NLRP14: variants seen among roughly 807,000 people sequenced by gnomAD.
NLRP14 encodes NACHT, LRR and PYD domains-containing protein 14.
NLRP14 carries 105 observed loss-of-function variants against 94.7 expected under a neutral mutation model. The ratio of observed to expected loss-of-function variants is 1.11; its 90% CI spans 0.95 to 1.30. The LOEUF is 1.30. NLRP14 is among the 50% of genes most tolerant of loss of function. The probability of loss-of-function intolerance (pLI) is 0.00; values close to 1 mark genes in which losing one functional copy is unlikely to be tolerated. For synonymous variants in NLRP14, 508 were observed against 459.9 expected, an observed-to-expected ratio of 1.10 and a Z score of -1.34; for missense variants, 1,362 against 1,254.1, an observed-to-expected ratio of 1.09 and a Z score of -1.30.
chr11:7,070,213 T>A lies in NLRP14; in HGVS notation c.2976-73T>A, dbSNP rs1300812846. The A allele has an allele frequency of 3.7e-6, 4 of 1,087,146 alleles. No individual in the cohort carries two copies. The East Asian group carries it at 9.4e-5, about 26-fold the overall frequency. 67.3% of individuals were successfully genotyped at this position (1,087,146 alleles called of 1,614,324 possible). ...TCTGGAATTATCCTCCATTCTGAGT[T>A]CACAGATCTCTTGTGGGCTTTGTTG... On this transcript the variant is annotated intron_variant, in intron 10 of 11. Transcript: ENST00000299481.
At chr11:7,090,273 AGAG>A in the NLRP14 span, 68 of 1,605,092 alleles carry the variant, frequency 4.2e-5, no homozygotes, top group African/African-American at 8.6e-4. Flanking sequence ...CCGCTTGGAG[AGAG>A]GAGGAGGCCG....
Position 7,043,613 on chromosome 11 carries a change from G to A in NLRP14, c.1587G>A (p.Lys529=), listed in dbSNP as rs758222051. 1.9e-6 allele frequency: 3 copies of A among 1,614,170 alleles called. No individual in the cohort carries two copies. The highest frequency in any genetic ancestry group is 1.1e-5 in the South Asian group (1 of 91,078). The change falls in exon 4 of 12, where the codon AAG becomes AAA. Residue 529 remains lysine, a synonymous_variant. Coordinates refer to ENST00000299481, the MANE Select transcript of NLRP14 (RefSeq NM_176822.4). The part of the protein sequence containing the change: ...SYKDPHLTQM[K]CFLFGLLNED... ...AAGACCCCCATTTGACACAGATGAAGTGCTTTTTGTTTGGCCTTTTGAATG... is the reference window on the plus strand; with the variant it reads ...AAGACCCCCATTTGACACAGATGAAATGCTTTTTGTTTGGCCTTTTGAATG...
chr11:7,076,035 T>C (rs1489641704), downstream of NLRP14, among the ~76,000 whole-genome samples: 2 of 152,246 alleles, frequency 1.3e-5, no homozygotes, highest in Admixed American at 6.5e-5. Context: ...ACATCAGATA[T>C]ATGAACCTAA....
chr11:7,068,280 T>C (rs1200584615), intron 10 of NLRP14, among the ~76,000 whole-genome samples: 1 of 152,172 alleles, frequency 6.6e-6, no homozygotes, highest in Non-Finnish European at 1.5e-5. Context: ...TTTTACCATT[T>C]ACTAAATTCT....
At chr11:7,027,062 T>C (rs1852027280) in intron 1 of NLRP14, among the ~76,000 whole-genome samples, 1 of 152,174 alleles carries the variant, frequency 6.6e-6, no homozygotes, top group East Asian at 1.9e-4. Context: ...CCTTTTTAGC[T>C]AGAAGCCTGT....
intron 1 of NLRP14, among the ~76,000 whole-genome samples, chr11:7,029,220 C>T (rs1027449401): frequency 6.6e-6 from 1 of 152,036 alleles, no homozygotes; most frequent in Non-Finnish European, 1.5e-5. Flanking sequence ...GGTAGACAAG[C>T]GAAGTGACAA....
intron 8 of NLRP14, among the ~76,000 whole-genome samples, chr11:7,059,452 A>G (rs1049939968): frequency 2.0e-5 from 3 of 151,890 alleles, no homozygotes; most frequent in Non-Finnish European, 4.4e-5. Flanking sequence ...TAAGGCTTAA[A>G]CTTATTTTCC....
chr11:7,036,504 T>C (rs942283978), intron 1 of NLRP14, among the ~76,000 whole-genome samples: 7 of 152,048 alleles, frequency 4.6e-5, no homozygotes, highest in Non-Finnish European at 7.4e-5. Flanking sequence ...AAGAGACAAG[T>C]GTAAATATCA....
the NLRP14 span, among the ~76,000 whole-genome samples, chr11:7,086,595 A>G: frequency 6.6e-6 from 1 of 152,234 alleles, no homozygotes; most frequent in Non-Finnish European, 1.5e-5. Context: ...GTCAGACACA[A>G]TATCCATTCC....
chr11:7,076,277 A>G (rs532499142), downstream of NLRP14, among the ~76,000 whole-genome samples: 3 of 152,330 alleles, frequency 2.0e-5, no homozygotes, highest in South Asian at 2.1e-4. Flanking sequence ...AGGGTTTGCA[A>G]TTTTAAATAG....
In NLRP14 at chr11:7,062,493, C is replaced by G. The variant is rs773885092; in HGVS notation, c.2965C>G (p.Gln989Glu). ...DALRYPNCNI[Q>E]RLGLEYCGLT... is the part of the protein sequence containing the mutation. ...TTTGAGATATCCAAACTGTAACATTCAGAGGCTCGGGTGAGTTCATAGTTT... is the reference window on the plus strand; with the variant it reads ...TTTGAGATATCCAAACTGTAACATTGAGAGGCTCGGGTGAGTTCATAGTTT... Residue 989 changes from glutamine (Q) to glutamate (E), a missense_variant, in exon 10 of 12, where the codon CAG (glutamine) becomes GAG (glutamate). Gln to Glu is a conservative substitution (Grantham distance 29). Coordinates refer to ENST00000299481, the MANE Select transcript of NLRP14 (RefSeq NM_176822.4). 1 of 1,612,726 alleles carries G rather than the reference C, an allele frequency of 6.2e-7. No individual in the cohort carries two copies. Among genetic ancestry groups the G allele is most frequent in the East Asian group, 2.2e-5 (1 of 44,840 alleles).
chr11:7,090,221 G>A, the NLRP14 span: 2 of 1,611,726 alleles, frequency 1.2e-6, no homozygotes, highest in African/African-American at 2.7e-5. Flanking sequence ...CTTACAGCCG[G>A]TCAGGCTGCA....
Position 7,038,554 on chromosome 11 carries a change from T to C in NLRP14, c.-21-12T>C. 1 of 1,607,584 alleles carries C rather than the reference T, an allele frequency of 6.2e-7. No individual in the cohort carries two copies. Among genetic ancestry groups the C allele is most frequent in the Non-Finnish European group, 8.5e-7 (1 of 1,175,494 alleles). ...TTCCATGTGCTTTTGGTTATTTTTT[T>C]TCCCCCCACAGAGGCCTGAATATTT... On this transcript the variant is annotated splice_polypyrimidine_tract_variant and intron_variant, in intron 1 of 11. Transcript: ENST00000299481.
rs747421764 is a variant in NLRP14, at chr11:7,043,958, A to G, written c.1932A>G (p.Leu644=). ...SVTVVFEKKI[L]KTSLPTNTWD... ...CTGTGGTATTTGAGAAGAAGATATTAAAAACAAGCCTCCCAACTAACACTT... is the reference window on the plus strand; with the variant it reads ...CTGTGGTATTTGAGAAGAAGATATTGAAAACAAGCCTCCCAACTAACACTT... Residue 644 remains leucine (L), a synonymous_variant, in exon 4 of 12, where the codon TTA becomes TTG. Transcript: ENST00000299481. The G allele has an allele frequency of 6.2e-7, 1 of 1,614,170 alleles. No individual in the cohort carries two copies. The highest frequency in any genetic ancestry group is 1.7e-5 in the Admixed American group (1 of 60,024).
At chr11:7,090,448 G>A in the NLRP14 span, 2 of 1,066,574 alleles carry the variant, frequency 1.9e-6, no homozygotes, top group Non-Finnish European at 1.4e-6. Context: ...CCATTTTTAT[G>A]CTTTTGGGAG....
intron 10 of NLRP14, among the ~76,000 whole-genome samples, chr11:7,067,600 G>A (rs769297535): frequency 6.6e-6 from 1 of 152,176 alleles, no homozygotes; most frequent in Non-Finnish European, 1.5e-5. Flanking sequence ...TTTGCCAAAT[G>A]TGATGAATCA....
rs748992725 is a variant in NLRP14 at position 7,043,414 on chromosome 11, G to A, written c.1388G>A (p.Ser463Asn). 3.1e-6 allele frequency: 5 copies of A among 1,614,024 alleles called. No individual in the cohort carries two copies. The highest frequency in any genetic ancestry group is 4.2e-6 in the Non-Finnish European group (5 of 1,179,888). The change falls in exon 4 of 12, where the codon AGC (serine) becomes AAC (asparagine). Residue 463 changes from serine (S) to asparagine (N), a missense_variant. Transcript: ENST00000299481. The stretch of plus-strand genomic sequence containing the variant: ...TCTGATGTCTCTAGTTTTATGGACA[G>A]CAATATTATTCAGAAGGACGCAGAG... ...TQSDVSSFMD[S>N]NIIQKDAEYE...
intron 1 of NLRP14, among the ~76,000 whole-genome samples, chr11:7,033,219 T>C (rs1416516100): frequency 1.3e-5 from 2 of 152,258 alleles, no homozygotes; most frequent in African/African-American, 2.4e-5. Flanking sequence ...GCTGTAGTTA[T>C]TGTATATCTC....
intron 10 of NLRP14, among the ~76,000 whole-genome samples, chr11:7,065,276 T>C (rs1385376602): frequency 1.3e-5 from 2 of 152,136 alleles, no homozygotes; most frequent in Non-Finnish European, 2.9e-5. Flanking sequence ...TTGTATTTTG[T>C]TACTGGTTAA....
Sources: gnomAD v4.1 joint callset for allele counts (sites outside exome capture counted in the v4.1 genomes callset) on GRCh38, gnomAD v4.1.1 for gene constraint, MANE v1.5 for transcripts, NCBI Gene and HGNC (gene_info 2026-07-23, HGNC 2026-07-21) for gene names.